COL15A1: variants seen among roughly 807,000 people sequenced by gnomAD.
The protein encoded by COL15A1 is collagen type XV alpha 1 chain.
In COL15A1, 111 loss-of-function variants were observed where a neutral mutation model predicts 165.9. The ratio of observed to expected loss-of-function variants is 0.67; its 90% CI spans 0.57 to 0.78. The LOEUF (loss-of-function observed/expected upper bound fraction) is 0.78, where lower values mean the gene tolerates loss of function less well. Ranked by LOEUF, COL15A1 falls within the 30% of genes least tolerant of loss-of-function variation. The pLI, the probability that COL15A1 is intolerant of heterozygous loss-of-function variation, is 0.00. For missense variants in COL15A1, 1,745 were observed against 1,789.7 expected (o/e 0.98, Z 0.45); for synonymous variants, 659 against 674.8 (o/e 0.98, Z 0.36).
Position 98,944,316 on chromosome 9 carries a change from G to T in COL15A1, c.100+66G>T, listed in dbSNP as rs531668067. 52 of 1,460,212 alleles carry T rather than the reference G, an allele frequency of 3.6e-5. 1 individual carries two copies. The African/African-American group carries it at 4.7e-4, about 13-fold the overall frequency. 90.5% of individuals were successfully genotyped at this position (1,460,212 alleles called of 1,614,324 possible). On this transcript the variant is annotated intron_variant, in intron 2 of 41. Transcript: ENST00000375001. Reference sequence around the variant, plus strand: ...GCCCGTGGGGGAAGTCGGTTTTGGCGGCGGACGCGGCTGCGATGCGTGCCT... The same window carrying T: ...GCCCGTGGGGGAAGTCGGTTTTGGCTGCGGACGCGGCTGCGATGCGTGCCT...
chr9:99,042,148 A>C, intron 24 of COL15A1, 41 bp downstream of exon 24: 1 of 1,434,728 alleles, frequency 7.0e-7, no homozygotes, highest in East Asian at 2.3e-5. Context: ...TGGGCGCTGG[A>C]ATTTGCTAAA....
Position 98,943,954 on chromosome 9 carries a change from G to C in COL15A1, c.-108G>C. The C allele has an allele frequency of 6.6e-7, 1 of 1,506,060 alleles. No individual in the cohort carries two copies. The highest frequency in any genetic ancestry group is 9.0e-7 in the Non-Finnish European group (1 of 1,105,500). The allele number at this position is 1,506,060 out of a possible 1,614,324, so 93.3% of individuals were successfully genotyped here. ...CCGAGCGCCGCCTTTGTTCCCTGCA[G>C]GAAGGGCGAGCGCGGCGGCCAGCGC... On this transcript the variant is annotated 5_prime_UTR_variant, in exon 1 of 42. Transcript: ENST00000375001.
chr9:99,028,254 AATT>A (rs911199206), intron 16 of COL15A1, among the ~76,000 whole-genome samples: 2 of 152,140 alleles, frequency 1.3e-5, no homozygotes, highest in Non-Finnish European at 2.9e-5. Context: ...TTTATATAAT[AATT>A]ATTATTATAA....
Position 98,965,038 on chromosome 9 carries a change from A to G in COL15A1, c.101-20527A>G, listed in dbSNP as rs138189523. 2.5e-4 allele frequency among the ~76,000 whole-genome samples: 38 copies of G among 152,310 alleles called. 1 individual carries two copies. In the East Asian group the frequency reaches 3.5e-3, roughly 14 times the overall value. On this transcript the variant is annotated intron_variant, in intron 2 of 41. Transcript: ENST00000375001. Reference sequence around the variant, plus strand: ...ATTTTGCCCAGGGCATAACATGCCAAGTGCTGAGAGGCTGCAAGAAAGTAT... The same window carrying G: ...ATTTTGCCCAGGGCATAACATGCCAGGTGCTGAGAGGCTGCAAGAAAGTAT...
At chr9:98,975,429 G>A (rs1282762035) in intron 2 of COL15A1, among the ~76,000 whole-genome samples, 1 of 152,232 alleles carries the variant, frequency 6.6e-6, no homozygotes, top group East Asian at 1.9e-4. Flanking sequence ...GCCAGATGAT[G>A]TCCCTGAGCC....
chr9:99,060,579 A>G (rs1825800043), intron 36 of COL15A1, among the ~76,000 whole-genome samples: 1 of 152,080 alleles, frequency 6.6e-6, no homozygotes, highest in Admixed American at 6.5e-5. Flanking sequence ...GCCACCAATA[A>G]TAGTATTTCA....
chr9:99,001,376 T>C (rs1838651760), intron 7 of COL15A1, among the ~76,000 whole-genome samples: 1 of 152,178 alleles, frequency 6.6e-6, no homozygotes, highest in African/African-American at 2.4e-5. Context: ...AATGCTGGGC[T>C]CCCTAGGGTG....
At chr9:98,980,922 C>T (rs755755422) in intron 2 of COL15A1, among the ~76,000 whole-genome samples, 2 of 152,180 alleles carry the variant, frequency 1.3e-5, no homozygotes, top group Admixed American at 6.5e-5. Context: ...ATGCATGACA[C>T]GGTTGCTTCA....
At chr9:98,945,854 G>A (rs1435244337) in intron 2 of COL15A1, among the ~76,000 whole-genome samples, 1 of 152,182 alleles carries the variant, frequency 6.6e-6, no homozygotes, top group Non-Finnish European at 1.5e-5. Context: ...AGATGGATCT[G>A]GGGATAGGAA....
chr9:98,991,527 C>T (rs1838429899), intron 5 of COL15A1, among the ~76,000 whole-genome samples: 1 of 152,134 alleles, frequency 6.6e-6, no homozygotes, highest in Non-Finnish European at 1.5e-5. Flanking sequence ...GAGCTAGATA[C>T]AGAGTGCTGA....
rs372244714 is a variant in COL15A1 at position 99,049,869 on chromosome 9, C to G, written c.2878C>G (p.Pro960Ala). The G allele has an allele frequency of 6.2e-7, 1 of 1,614,262 alleles. No homozygotes were observed. Among genetic ancestry groups the G allele is most frequent in the Non-Finnish European group, 8.5e-7 (1 of 1,180,038 alleles). Reference sequence around the variant, plus strand: ...TTACCCACAGGCCATTTTCCCAATACCCGTCCGACCACACTGCAAAATGCC... The same window carrying G: ...TTACCCACAGGCCATTTTCCCAATAGCCGTCCGACCACACTGCAAAATGCC... The part of the protein sequence containing the change: ...INIKGAIFPI[P>A]VRPHCKMPVD... The change falls in exon 30 of 42, where the codon CCC (proline) becomes GCC (alanine). Residue 960 changes from proline (P) to alanine (A), a missense_variant. Pro to Ala is a conservative substitution (Grantham distance 27). Coordinates refer to ENST00000375001, the MANE Select transcript of COL15A1 (RefSeq NM_001855.5).
At chr9:99,041,589 G>C (rs894924332) in intron 23 of COL15A1, among the ~76,000 whole-genome samples, 1 of 152,190 alleles carries the variant, frequency 6.6e-6, no homozygotes, top group Admixed American at 6.5e-5. Context: ...GATGGTGTGG[G>C]AGATGAGATG....
At chr9:99,021,955 T>C in intron 12 of COL15A1, 136 bp from the exon 13 acceptor site, 1 of 1,180,852 alleles carries the variant, frequency 8.5e-7, no homozygotes, top group African/African-American at 1.5e-5. Context: ...TCCCTTAAGC[T>C]GTCTCTGCAA....
chr9:99,015,806 T>C (rs1319214681), intron 10 of COL15A1, among the ~76,000 whole-genome samples, 170 bp from the exon 11 acceptor site: 1 of 152,208 alleles, frequency 6.6e-6, no homozygotes, highest in Non-Finnish European at 1.5e-5. Context: ...CAGTTGGCAC[T>C]GAGGCTTAGA....
intron 24 of COL15A1, 92 bp from the exon 25 acceptor site, chr9:99,044,476 C>T: frequency 1.8e-6 from 2 of 1,141,082 alleles, no homozygotes; most frequent in Non-Finnish European, 2.6e-6. Context: ...GGTCTCTGTA[C>T]AAGGTGGCAA....
intron 2 of COL15A1, among the ~76,000 whole-genome samples, chr9:98,947,679 T>C (rs1445462350): frequency 5.9e-5 from 9 of 152,158 alleles, no homozygotes; most frequent in Admixed American, 5.9e-4. Context: ...AGGGCATTGA[T>C]TCTCTCAGAA....
intron 36 of COL15A1, 92 bp downstream of exon 36, chr9:99,060,045 G>A: frequency 7.1e-7 from 1 of 1,403,392 alleles, no homozygotes; most frequent in East Asian, 2.4e-5. Context: ...GACATCCCTT[G>A]GGGATCAGGC....
At chr9:99,000,491 A>G (rs997894748) in intron 6 of COL15A1, among the ~76,000 whole-genome samples, 1 of 152,142 alleles carries the variant, frequency 6.6e-6, no homozygotes, top group African/African-American at 2.4e-5. Flanking sequence ...ATTGCTTACT[A>G]TATGCCAGGG....
At chr9:98,990,633 G>T (rs1037707621) in intron 5 of COL15A1, among the ~76,000 whole-genome samples, 3 of 152,224 alleles carry the variant, frequency 2.0e-5, no homozygotes, top group African/African-American at 7.2e-5. Context: ...CCTTAGAGAG[G>T]GACAGGAAAG....
Sources: gnomAD v4.1 joint callset for allele counts (sites outside exome capture counted in the v4.1 genomes callset) on GRCh38, gnomAD v4.1.1 for gene constraint, MANE v1.5 for transcripts, NCBI Gene and HGNC (gene_info 2026-07-23, HGNC 2026-07-21) for gene names.